Variants in KIF18B observed in about 807,000 individuals in gnomAD.
KIF18B encodes the protein kinesin-like protein KIF18B.
KIF18B carries 49 observed loss-of-function variants against 80.9 expected under a neutral mutation model. That is an observed-to-expected ratio of 0.61 (90% CI 0.48 to 0.77). The LOEUF (loss-of-function observed/expected upper bound fraction) is 0.77. Ranked by LOEUF, KIF18B falls within the 30% of genes least tolerant of loss-of-function variation. KIF18B has a pLI of 0.00. For missense variants in KIF18B, 994 were observed against 1,127.7 expected (o/e 0.88, Z 1.70); for synonymous variants, 439 against 463.9 (o/e 0.95, Z 0.69).
chr17:44,932,077 C>T lies in KIF18B; in HGVS notation c.1368G>A (p.Glu456=), dbSNP rs548342229. 1.4e-5 allele frequency: 23 copies of T among 1,613,294 alleles called. No individual in the cohort carries two copies. In the African/African-American group the frequency reaches 2.4e-4, roughly 17 times the overall value. ...CTACCTCCTCAGCTGGGCCTTCATC[C>T]TCATCCTCTGGGGACTGCTCCTGGT... ...SSDQEQSPED[E]DEGPAEEVPT... The change falls in exon 10 of 16, where the codon GAG becomes GAA. Residue 456 remains glutamate, a synonymous_variant. Coordinates refer to ENST00000593135, the MANE Select transcript of KIF18B (RefSeq NM_001265577.2).
intron 1 of KIF18B, 147 bp from the exon 2 acceptor site, chr17:44,936,505 C>A (rs1382932796): frequency 3.4e-5 from 18 of 528,032 alleles, no homozygotes; most frequent in East Asian, 1.4e-4. Flanking sequence ...GTGCTGAAAC[C>A]AATTATATCT....
rs2052004369 is a variant in KIF18B at position 44,925,380 on chromosome 17, G to C, written c.*700C>G. 6.6e-6 allele frequency: 1 copy of C among 152,110 alleles called. No homozygotes were observed. The highest frequency in any genetic ancestry group is 1.5e-5 in the Non-Finnish European group (1 of 68,162). The allele number at this position is 152,110 out of a possible 1,614,324, so 9.4% of individuals were successfully genotyped here. ...GAGAATGGTGTGAACCTGGGAGGCG[G>C]AGCTTGCAGTGAGCCAAGATCGCCA... On this transcript the variant is annotated 3_prime_UTR_variant, in exon 16 of 16. Transcript: ENST00000593135.
In KIF18B at chr17:44,933,682, G is replaced by A. The variant is rs1476491245; in HGVS notation, c.1062+241C>T. On this transcript the variant is annotated intron_variant, in intron 7 of 15. Transcript: ENST00000593135. The stretch of plus-strand genomic sequence containing the variant: ...AGATTTTTGTATTTTTAGTAGAGAT[G>A]GGGTTTCATCATGCTGCCCAGGCTG... 2.6e-5 allele frequency among the ~76,000 whole-genome samples: 4 copies of A among 152,090 alleles called. No individual in the cohort carries two copies. In the East Asian group the frequency reaches 5.8e-4, roughly 22 times the overall value.
intron 1 of KIF18B, among the ~76,000 whole-genome samples, chr17:44,944,898 G>C (rs1195678660): frequency 6.6e-6 from 1 of 152,118 alleles, no homozygotes; most frequent in African/African-American, 2.4e-5. Context: ...CTCTGTAACT[G>C]AAGTATGTCC....
Position 44,932,207 on chromosome 17 carries a change from C to T in KIF18B, c.1239-1G>A, listed in dbSNP as rs1294986236. On this transcript the variant is annotated splice_acceptor_variant, in intron 9 of 15. Transcript: ENST00000593135. LOFTEE classifies it high-confidence loss of function. ...AGGGAGCTCTGGGGTGCAGGGCTGG[C>T]TGGGAGGGTGGGGTGGCAAGGGGGA... 14 of 1,577,630 alleles carry T rather than the reference C, an allele frequency of 8.9e-6. No homozygotes were observed. Among genetic ancestry groups the T allele is most frequent in the Non-Finnish European group, 1.2e-5 (14 of 1,157,994 alleles).
intron 1 of KIF18B, among the ~76,000 whole-genome samples, chr17:44,936,632 T>A (rs1166284193): frequency 1.5e-3 from 81 of 53,116 alleles, no homozygotes; most frequent in African/African-American, 2.8e-3. Context: ...ATATTTTTTT[T>A]TTTTTTTTTT....
chr17:44,939,008 C>T (rs996615127), intron 1 of KIF18B, among the ~76,000 whole-genome samples: 11 of 148,254 alleles, frequency 7.4e-5, no homozygotes, highest in Admixed American at 6.8e-4. Flanking sequence ...CGTACCACTG[C>T]ACTCCAGCCT....
chr17:44,928,748 C>G lies in KIF18B; in HGVS notation c.1723+71G>C, dbSNP rs115310285. 4,450 of 1,510,400 alleles carry G rather than the reference C, an allele frequency of 2.9e-3. 77 individuals carry two copies. In the African/African-American group the frequency reaches 0.046, roughly 16 times the overall value. The allele number at this position is 1,510,400 out of a possible 1,614,324, so 93.6% of individuals were successfully genotyped here. A position where few individuals can be genotyped will look rare whatever the true frequency, so the allele number is the denominator to read the frequency against. On this transcript the variant is annotated intron_variant, in intron 12 of 15. Transcript: ENST00000593135. ...ACCCAGCAACTGAGGCCCCTGGACACCCCTTGGCCCCAGTGGGGCCTTGAA... is the reference window on the plus strand; with the variant it reads ...ACCCAGCAACTGAGGCCCCTGGACAGCCCTTGGCCCCAGTGGGGCCTTGAA...
chr17:44,944,512 T>G (rs1368633798), intron 1 of KIF18B, among the ~76,000 whole-genome samples: 1 of 152,198 alleles, frequency 6.6e-6, no homozygotes, highest in Admixed American at 6.5e-5. Flanking sequence ...AAAGTGCTGG[T>G]GCTGGGATTA....
chr17:44,937,452 T>G (rs1204004038), intron 1 of KIF18B, among the ~76,000 whole-genome samples: 1 of 152,228 alleles, frequency 6.6e-6, no homozygotes, highest in East Asian at 1.9e-4. Flanking sequence ...TTCTATCTCT[T>G]CAGTTAGTTC....
intron 1 of KIF18B, among the ~76,000 whole-genome samples, 197 bp from the exon 2 acceptor site, chr17:44,936,555 A>ACTCTCTCTCT (rs59137224): frequency 4.6e-4 from 17 of 37,226 alleles, no homozygotes; most frequent in South Asian, 1.6e-3. Flanking sequence ...TACTCAAATG[A>ACTCTCTCTCT]CTCTCTCTCT....
Position 44,940,576 on chromosome 17 carries a change from G to A in KIF18B, c.-14-4218C>T, listed in dbSNP as rs151196076. 1.9e-4 allele frequency among the ~76,000 whole-genome samples: 29 copies of A among 152,272 alleles called. No individual in the cohort carries two copies. In the East Asian group the frequency reaches 5.4e-3, roughly 28 times the overall value. ...AATTTTTGGAATGCAGCGTACCAAG[G>A]GTAGGGATGGAATTTTGGAATGCAG... On this transcript the variant is annotated intron_variant, in intron 1 of 15. Coordinates refer to ENST00000593135, the MANE Select transcript of KIF18B (RefSeq NM_001265577.2).
In KIF18B at chr17:44,934,540, G is replaced by A. The variant is rs755547; in HGVS notation, c.654C>T (p.Asn218=). ...TGGCATGGGAGCGGGAGGAAGTCGC[G>A]TTGGCATCAGTGGGGTGCTGCGTGC... is the stretch of plus-strand genomic sequence containing the variant. ...RNRTQHPTDA[N]ATSSRSHAIF... The change falls in exon 5 of 16, where the codon AAC becomes AAT. Residue 218 remains asparagine (N), a synonymous_variant. Coordinates refer to ENST00000593135, the MANE Select transcript of KIF18B (RefSeq NM_001265577.2). The surrounding 1 kb of genome is among the most constrained non-coding windows in gnomAD (Gnocchi z 5.4). 287,972 of 1,612,110 alleles carry A rather than the reference G, an allele frequency of 0.18. 26,946 individuals carry two copies. The highest frequency in any genetic ancestry group is 0.25 in the Middle Eastern group (1,520 of 6,054).
chr17:44,931,809 C>T, intron 10 of KIF18B, 80 bp from the exon 11 acceptor site: 12 of 1,547,730 alleles, frequency 7.8e-6, no homozygotes, highest in Non-Finnish European at 1.0e-5. Flanking sequence ...AAATCCTTCC[C>T]TCCTACAAGA....
chr17:44,933,284 G>T (rs2052199130), intron 7 of KIF18B, among the ~76,000 whole-genome samples: 1 of 152,046 alleles, frequency 6.6e-6, no homozygotes, highest in Admixed American at 6.5e-5. Flanking sequence ...AGATGTGGCA[G>T]AAAGCATATA....
At chr17:44,926,211 G>A (rs201751700) in intron 15 of KIF18B, 25 bp from the exon 16 acceptor site, 47 of 1,612,912 alleles carry the variant, frequency 2.9e-5, no homozygotes, top group Non-Finnish European at 3.1e-5. Flanking sequence ...GATGGGTGGC[G>A]GGGAGTGCAG....
In KIF18B at chr17:44,928,853, C is replaced by G; in HGVS notation, c.1689G>C (p.Gly563=). The G allele has an allele frequency of 6.2e-7, 1 of 1,613,808 alleles. No individual in the cohort carries two copies. The highest frequency in any genetic ancestry group is 8.5e-7 in the Non-Finnish European group (1 of 1,179,802). Residue 563 remains glycine, a synonymous_variant, in exon 12 of 16, where the codon GGG becomes GGC. Coordinates refer to ENST00000593135, the MANE Select transcript of KIF18B (RefSeq NM_001265577.2). ...EALRTSGLAR[G]APLAQELCSE... is the part of the protein sequence containing the mutation. ...AACACAGCTCCTGAGCCAGAGGTGC[C>G]CCCCTGGCCAGGCCTGAAGTCCTCA...
chr17:44,935,224 T>C (rs1355398324), intron 3 of KIF18B, 35 bp downstream of exon 3: 1 of 1,551,726 alleles, frequency 6.4e-7, no homozygotes. Flanking sequence ...CCCCGGGTGG[T>C]TGTGAGAACA....
intron 1 of KIF18B, among the ~76,000 whole-genome samples, chr17:44,944,280 C>T (rs151018347): frequency 2.6e-5 from 4 of 151,354 alleles, no homozygotes; most frequent in Non-Finnish European, 4.4e-5. Flanking sequence ...GCTCTTGTTG[C>T]CCAGCAGCCT....
Sources: allele counts gnomAD v4.1 joint callset (sites outside exome capture counted in the v4.1 genomes callset), GRCh38; gene constraint gnomAD v4.1.1; non-coding constraint Gnocchi (gnomAD v3.1); transcripts MANE v1.5; gene names NCBI Gene and HGNC (gene_info 2026-07-23, HGNC 2026-07-21).